The following IGSF23 variants were observed in gnomAD, a reference collection of about 807,000 sequenced individuals.
IGSF23 encodes immunoglobulin superfamily member 23, also known as immunoglobulin superfamily, member 23.
A neutral mutation model predicts 17.8 loss-of-function variants in IGSF23; 14 were observed. That is an observed-to-expected ratio of 0.79 (90% CI 0.52 to 1.23). The LOEUF (loss-of-function observed/expected upper bound fraction) is 1.23. Ranked by LOEUF, IGSF23 falls within the 50% of genes most tolerant of loss-of-function variation. The probability of loss-of-function intolerance (pLI) is 0.00; values close to 1 mark genes in which losing one functional copy is unlikely to be tolerated. For missense variants in IGSF23, 214 were observed against 241.7 expected, an observed-to-expected ratio of 0.89 and a Z score of 0.76; for synonymous variants, 85 against 92.5, an observed-to-expected ratio of 0.92 and a Z score of 0.46.
chr19:44,614,096 A>G, intron 1 of IGSF23: 1 of 875,528 alleles, frequency 1.1e-6, no homozygotes, highest in South Asian at 1.4e-5. Context: ...TGTCAGTTTG[A>G]GGCCCATGCA....
intron 1 of IGSF23, among the ~76,000 whole-genome samples, chr19:44,623,434 C>T (rs1663132049): frequency 1.3e-5 from 2 of 152,208 alleles, no homozygotes; most frequent in South Asian, 4.1e-4. Flanking sequence ...CCAGCACTTC[C>T]AGCCTGCTGC....
intron 1 of IGSF23, among the ~76,000 whole-genome samples, chr19:44,620,376 TGTGTGTGTGA>T (rs1381963985): frequency 1.6e-4 from 22 of 140,190 alleles, no homozygotes; most frequent in South Asian, 1.2e-3. Flanking sequence ...TGTGTGTGTG[TGTGTGTGTGA>T]GATGGAGCCT....
intron 2 of IGSF23, among the ~76,000 whole-genome samples, chr19:44,625,230 T>C (rs1442048418): frequency 1.3e-5 from 2 of 152,160 alleles, no homozygotes; most frequent in Non-Finnish European, 2.9e-5. Context: ...CAGTGTGTAG[T>C]TGTGAGCATT....
Position 44,623,810 on chromosome 19 carries a change from C to T in IGSF23, c.229C>T (p.Pro77Ser), listed in dbSNP as rs1972573682. 1 of 1,550,790 alleles carries T rather than the reference C, an allele frequency of 6.4e-7. No individual in the cohort carries two copies. The highest frequency in any genetic ancestry group is 8.7e-7 in the Non-Finnish European group (1 of 1,147,054). The change falls in exon 2 of 5, where the codon CCT becomes TCT. Residue 77 changes from proline to serine, a missense_variant. By Grantham distance (74) the Pro-to-Ser change is moderately conservative (BLOSUM62 -1). Transcript: ENST00000402988. ...CCTGCAGTGGGTGGTGACAATGGACCCTGAGCCTGTGCTGAGCTGGACCTT... is the reference window on the plus strand; with the variant it reads ...CCTGCAGTGGGTGGTGACAATGGACTCTGAGCCTGTGCTGAGCTGGACCTT... Reference protein sequence around the residue: ...VILQWVVTMDPEPVLSWTFSG... With the variant: ...VILQWVVTMDSEPVLSWTFSG...
In IGSF23 at chr19:44,627,444, C is replaced by CA; in HGVS notation, c.417dup (p.Glu140ArgfsTer45). The stretch of plus-strand genomic sequence containing the variant: ...GAACCCATCATGCAGCCCACAGAAG[C>CA]AGAGCCCATGGAGCCAGACCCCACT... On this transcript the variant is annotated frameshift_variant, in exon 3 of 5. Coordinates refer to ENST00000402988, the MANE Select transcript of IGSF23 (RefSeq NM_001205280.2). LOFTEE classifies it high-confidence loss of function. The CA allele has an allele frequency of 6.5e-7, 1 of 1,547,038 alleles. No individual in the cohort carries two copies. Among genetic ancestry groups the CA allele is most frequent in the Non-Finnish European group, 8.7e-7 (1 of 1,144,450 alleles).
chr19:44,625,708 T>A (rs1477668546), intron 2 of IGSF23, among the ~76,000 whole-genome samples: 1 of 152,156 alleles, frequency 6.6e-6, no homozygotes, highest in South Asian at 2.1e-4. Flanking sequence ...GAGGGACACA[T>A]GGTGATATGG....
Position 44,623,907 on chromosome 19 carries a change from A to T in IGSF23, c.326A>T (p.Tyr109Phe). ...RRLSCEQLGT[Y>F]MCIATNSKKQ... The stretch of plus-strand genomic sequence containing the variant: ...TTGTCCTGTGAGCAGCTGGGCACCT[A>T]CATGTGCATAGCCACAAACAGCAAG... Residue 109 changes from tyrosine to phenylalanine, a missense_variant, in exon 2 of 5, where the codon TAC (tyrosine) becomes TTC (phenylalanine). By Grantham distance (22) the Tyr-to-Phe change is conservative. Coordinates refer to ENST00000402988, the MANE Select transcript of IGSF23 (RefSeq NM_001205280.2). 6.4e-7 allele frequency: 1 copy of T among 1,550,774 alleles called. No homozygotes were observed. The highest frequency in any genetic ancestry group is 8.7e-7 in the Non-Finnish European group (1 of 1,147,012).
chr19:44,628,218 C>T (rs945697538), intron 3 of IGSF23, among the ~76,000 whole-genome samples: 43 of 152,140 alleles, frequency 2.8e-4, no homozygotes, highest in African/African-American at 8.7e-4. Flanking sequence ...TTTGGGATTA[C>T]AGGCATGAGC....
intron 3 of IGSF23, 27 bp from the exon 4 acceptor site, chr19:44,635,363 TCTCTCTCTCTC>T: frequency 1.4e-6 from 2 of 1,457,732 alleles, no homozygotes; most frequent in Non-Finnish European, 1.9e-6. Flanking sequence ...TCTCTCTCTC[TCTCTCTCTCTC>T]TGTCTCTCTC....
At chr19:44,616,695 CA>C (rs71171272) in intron 1 of IGSF23, among the ~76,000 whole-genome samples, 30,649 of 83,346 alleles carry the variant, frequency 0.37, 2,389 homozygotes, top group Admixed American at 0.4. Context: ...GACTCCATCT[CA>C]AAAAAAAAAA....
chr19:44,617,546 T>G (rs917521760), intron 1 of IGSF23, among the ~76,000 whole-genome samples: 1 of 152,224 alleles, frequency 6.6e-6, no homozygotes, highest in Non-Finnish European at 1.5e-5. Flanking sequence ...ACACAATTTG[T>G]ATTTGTTAAT....
chr19:44,613,695 G>A lies in IGSF23; in HGVS notation c.50G>A (p.Trp17Ter). The A allele has an allele frequency of 6.5e-7, 1 of 1,550,318 alleles. No individual in the cohort carries two copies. Among genetic ancestry groups the A allele is most frequent in the Non-Finnish European group, 8.7e-7 (1 of 1,146,890 alleles). The change falls in exon 1 of 5, where the codon TGG becomes TAG. Residue 17 changes from tryptophan (W) to a stop codon, truncating the protein, a stop_gained. Coordinates refer to ENST00000402988, the MANE Select transcript of IGSF23 (RefSeq NM_001205280.2). LOFTEE classifies it high-confidence loss of function. ...SPLPRNPVPA[W>*]SPPTTTTDPM... is the part of the protein sequence containing the mutation. Reference sequence around the variant, plus strand: ...CTTCCCAGGAACCCTGTCCCAGCCTGGTCCCCACCCACCACCACCACTGAC... The same window carrying A: ...CTTCCCAGGAACCCTGTCCCAGCCTAGTCCCCACCCACCACCACCACTGAC...
At chr19:44,625,229 G>C (rs1972618648) in intron 2 of IGSF23, among the ~76,000 whole-genome samples, 2 of 152,308 alleles carry the variant, frequency 1.3e-5, no homozygotes, top group East Asian at 1.9e-4. Context: ...CCAGTGTGTA[G>C]TTGTGAGCAT....
chr19:44,618,203 C>T (rs1022291393), intron 1 of IGSF23: 1 of 470,982 alleles, frequency 2.1e-6, no homozygotes, highest in African/African-American at 2.0e-5. Flanking sequence ...GCATTCTCAC[C>T]ACGTCTTGGT....
At chr19:44,634,778 G>A (rs563821875) in intron 3 of IGSF23, among the ~76,000 whole-genome samples, 1 of 149,158 alleles carries the variant, frequency 6.7e-6, no homozygotes, top group Non-Finnish European at 1.5e-5. Context: ...TCCAGCCTGG[G>A]CAACAGAACC....
chr19:44,626,030 A>G (rs1207192220), intron 2 of IGSF23, among the ~76,000 whole-genome samples: 1 of 152,186 alleles, frequency 6.6e-6, no homozygotes, highest in Non-Finnish European at 1.5e-5. Flanking sequence ...TAAAGTACCC[A>G]GTCTCAGGTA....
At position 44,635,421 on chromosome 19, in the gene IGSF23, G is replaced by A. The variant is rs766332836; in HGVS notation, c.566G>A (p.Gly189Glu). The A allele has an allele frequency of 7.7e-5, 120 of 1,548,816 alleles. 1 individual carries two copies. In the Middle Eastern group the frequency reaches 2.0e-3, roughly 26 times the overall value. The change falls in exon 4 of 5, where the codon GGA becomes GAA. Residue 189 changes from glycine (G) to glutamate (E), a missense_variant. Coordinates refer to ENST00000402988, the MANE Select transcript of IGSF23 (RefSeq NM_001205280.2). ...QSLRTDRQRI[G>E]ICS ...TGCAGGACTGACAGGCAGAGAATAGGAATATGCAGCTGAAATGTGGGCAAC... is the reference window on the plus strand; with the variant it reads ...TGCAGGACTGACAGGCAGAGAATAGAAATATGCAGCTGAAATGTGGGCAAC...
At chr19:44,621,434 A>G (rs1034063354) in intron 1 of IGSF23, among the ~76,000 whole-genome samples, 1 of 151,982 alleles carries the variant, frequency 6.6e-6, no homozygotes, top group African/African-American at 2.4e-5. Flanking sequence ...GGATCACTTG[A>G]GCCCGGGAGT....
chr19:44,616,083 G>A (rs1972368677), intron 1 of IGSF23, among the ~76,000 whole-genome samples: 1 of 152,140 alleles, frequency 6.6e-6, no homozygotes, highest in Non-Finnish European at 1.5e-5. Flanking sequence ...AATACAAAAT[G>A]TTCTCTTGAT....
Sources: allele counts gnomAD v4.1 joint callset (sites outside exome capture counted in the v4.1 genomes callset), GRCh38; gene constraint gnomAD v4.1.1; transcripts MANE v1.5; gene names NCBI Gene and HGNC (gene_info 2026-07-23, HGNC 2026-07-21).